ZSWIM1: variants seen among roughly 807,000 people sequenced by gnomAD.
ZSWIM1 encodes the protein zinc finger SWIM domain-containing protein 1.
Under a neutral mutation model 29.3 loss-of-function variants are expected in ZSWIM1, and 22 were observed. That is an observed-to-expected ratio of 0.75 (90% CI 0.54 to 1.07). The LOEUF is 1.07. Ranked by LOEUF, ZSWIM1 falls within the 50% of genes least tolerant of loss-of-function variation. The pLI is 0.00. For missense variants in ZSWIM1, 511 were observed against 596.2 expected (o/e 0.86, Z 1.49); for synonymous variants, 228 against 240.8 (o/e 0.95, Z 0.49).
chr20:45,882,558 G>A lies in ZSWIM1; in HGVS notation c.-35G>A. The A allele has an allele frequency of 6.3e-7, 1 of 1,583,498 alleles. No homozygotes were observed. ...GCCCATCTTTGGAAAAAAGATCTGG[G>A]AATGATTGTCTAGCCTCCAGCCTCA... is the stretch of plus-strand genomic sequence containing the variant. On this transcript the variant is annotated 5_prime_UTR_variant, in exon 2 of 2. Coordinates refer to ENST00000372523, the MANE Select transcript of ZSWIM1 (RefSeq NM_080603.5).
intron 1 of ZSWIM1, 49 bp downstream of exon 1, chr20:45,881,310 G>C (rs1422258089): frequency 6.6e-6 from 1 of 152,372 alleles, no homozygotes; most frequent in African/African-American, 2.4e-5. Flanking sequence ...GATCACCGCA[G>C]TTAGCCGTCA....
In ZSWIM1 at chr20:45,884,089, C is replaced by T. The variant is rs758676776; in HGVS notation, c.*39C>T. 6 of 1,566,576 alleles carry T rather than the reference C, an allele frequency of 3.8e-6. No homozygotes were observed. Among genetic ancestry groups the T allele is most frequent in the Admixed American group, 1.7e-5 (1 of 57,542 alleles). On this transcript the variant is annotated 3_prime_UTR_variant, in exon 2 of 2. Coordinates refer to ENST00000372523, the MANE Select transcript of ZSWIM1 (RefSeq NM_080603.5). The stretch of plus-strand genomic sequence containing the variant: ...CCAGAGATGCTCATGCACCTGTGCA[C>T]ACTCACATCCACCCATACACACACA...
Position 45,881,420 on chromosome 20 carries a change from T to A in ZSWIM1, c.-61+159T>A, listed in dbSNP as rs145061012. Among the ~76,000 whole-genome samples the A allele has an allele frequency of 3.4e-3, 510 of 152,204 alleles. 4 individuals are homozygous for A. The highest frequency in any genetic ancestry group is 6.4e-3 in the Non-Finnish European group (437 of 68,006). On this transcript the variant is annotated intron_variant, in intron 1 of 1. Coordinates refer to ENST00000372523, the MANE Select transcript of ZSWIM1 (RefSeq NM_080603.5). ...CCACATCTCCCACCCAGGTTAGAGG[T>A]GAGAGGTCAAAGGCCGTATTCCCTC... is the stretch of plus-strand genomic sequence containing the variant.
Position 45,883,980 on chromosome 20 carries a change from A to C in ZSWIM1, c.1388A>C (p.Glu463Ala). Residue 463 changes from glutamate to alanine, a missense_variant, in exon 2 of 2, where the codon GAG (glutamate) becomes GCG (alanine). Transcript: ENST00000372523. ...CAGCACTGCACCAAGGAGGAGTTTG[A>C]GCGGAGGTATAGCACCCTGCGGGAA... ...LLQHCTKEEF[E>A]RRYSTLRELA... 3 of 1,614,126 alleles carry C rather than the reference A, an allele frequency of 1.9e-6. No individual in the cohort carries two copies. Among genetic ancestry groups the C allele is most frequent in the South Asian group, 1.1e-5 (1 of 91,080 alleles).
chr20:45,882,475 T>A lies in ZSWIM1; in HGVS notation c.-60-58T>A, dbSNP rs188734110. The A allele has an allele frequency of 1.8e-4, 216 of 1,224,192 alleles. No homozygotes were observed. In the African/African-American group the frequency reaches 2.4e-3, roughly 14 times the overall value. 75.8% of individuals were successfully genotyped at this position (1,224,192 alleles called of 1,614,324 possible). On this transcript the variant is annotated intron_variant, in intron 1 of 1. Coordinates refer to ENST00000372523, the MANE Select transcript of ZSWIM1 (RefSeq NM_080603.5). Reference sequence around the variant, plus strand: ...AAGTGTTCAACAAATATTGTGTGGATGAATAATTGAAGAGCCAGGTCCCTG... The same window carrying A: ...AAGTGTTCAACAAATATTGTGTGGAAGAATAATTGAAGAGCCAGGTCCCTG...
Position 45,883,297 on chromosome 20 carries a change from C to T in ZSWIM1, c.705C>T (p.Leu235=), listed in dbSNP as rs1253069819. The part of the protein sequence containing the change: ...KLPELHSHWL[L]NDRIWLAHRW... ...CCGAGCTTCACTCACACTGGCTGCTCAACGACCGCATCTGGCTGGCTCACC... is the reference window on the plus strand; with the variant it reads ...CCGAGCTTCACTCACACTGGCTGCTTAACGACCGCATCTGGCTGGCTCACC... The change falls in exon 2 of 2, where the codon CTC becomes CTT. Residue 235 remains leucine, a synonymous_variant. Transcript: ENST00000372523. 1.9e-6 allele frequency: 3 copies of T among 1,614,056 alleles called. No individual in the cohort carries two copies. The highest frequency in any genetic ancestry group is 2.5e-6 in the Non-Finnish European group (3 of 1,180,040).
rs1239017136 is a variant in ZSWIM1, at chr20:45,884,123, C to T, written c.*73C>T. ...CCACCCATACACACACACACACACA[C>T]ACACACACACACACACACACTCCCT... On this transcript the variant is annotated 3_prime_UTR_variant, in exon 2 of 2. Transcript: ENST00000372523. 2 of 1,447,576 alleles carry T rather than the reference C, an allele frequency of 1.4e-6. No individual in the cohort carries two copies. Among genetic ancestry groups the T allele is most frequent in the Admixed American group, 2.1e-5 (1 of 47,062 alleles). 89.7% of individuals were successfully genotyped at this position (1,447,576 alleles called of 1,614,324 possible). A position where few individuals can be genotyped will look rare whatever the true frequency, so the allele number is the denominator to read the frequency against.
Position 45,883,596 on chromosome 20 carries a change from C to T in ZSWIM1, c.1004C>T (p.Thr335Ile). Residue 335 changes from threonine to isoleucine, a missense_variant, in exon 2 of 2, where the codon ACA (threonine) becomes ATA (isoleucine). By Grantham distance (89) the Thr-to-Ile change is moderately conservative (BLOSUM62 -1). Coordinates refer to ENST00000372523, the MANE Select transcript of ZSWIM1 (RefSeq NM_080603.5). ...HIQHSLNAIC[T>I]GPAAQLCLGE... ...CAGCACTCCCTCAATGCCATCTGCA[C>T]AGGGCCAGCAGCCCAACTGTGCCTG... The T allele has an allele frequency of 6.2e-7, 1 of 1,614,224 alleles. No individual in the cohort carries two copies. The highest frequency in any genetic ancestry group is 8.5e-7 in the Non-Finnish European group (1 of 1,180,044).
rs115926000 is a variant in ZSWIM1, at chr20:45,883,374, C to G, written c.782C>G (p.Thr261Ser). The change falls in exon 2 of 2, where the codon ACC becomes AGC. Residue 261 changes from threonine (T) to serine (S), a missense_variant. Thr to Ser is a moderately conservative substitution (Grantham distance 58). Transcript: ENST00000372523. Reference sequence around the variant, plus strand: ...CACTACTTCCAGAGCCTCGAGGTCACCACCCACATCCTCAGCCAGTTCTTT... The same window carrying G: ...CACTACTTCCAGAGCCTCGAGGTCAGCACCCACATCCTCAGCCAGTTCTTT... ...SSHYFQSLEV[T>S]THILSQFFGT... 5.2e-4 allele frequency: 833 copies of G among 1,614,232 alleles called. 3 individuals carry two copies. The African/African-American group carries it at 5.6e-3, about 11-fold the overall frequency.
chr20:45,882,544 G>GA lies in ZSWIM1; in HGVS notation c.-43dup, dbSNP rs748977044. 7 of 1,567,228 alleles carry GA rather than the reference G, an allele frequency of 4.5e-6. No individual in the cohort carries two copies. In the Admixed American group the frequency reaches 7.4e-5, roughly 17 times the overall value. On this transcript the variant is annotated 5_prime_UTR_variant, in exon 2 of 2. An upstream open reading frame in the 5' UTR loses its in-frame stop. Transcript: ENST00000372523. Reference sequence around the variant, plus strand: ...GTTACTCTCCATAGGCCCATCTTTGGAAAAAAGATCTGGGAATGATTGTCT... The same window carrying GA: ...GTTACTCTCCATAGGCCCATCTTTGGAAAAAAAGATCTGGGAATGATTGTCT...
rs71181872 is a variant in ZSWIM1, at chr20:45,884,105, TACACACAC to T, written c.*86_*93del. 3.0e-3 allele frequency: 3,268 copies of T among 1,088,712 alleles called. 2 individuals are homozygous for T. Among genetic ancestry groups the T allele is most frequent in the Non-Finnish European group, 3.3e-3 (2,521 of 768,426 alleles). 67.4% of individuals were successfully genotyped at this position (1,088,712 alleles called of 1,614,324 possible). A position where few individuals can be genotyped will look rare whatever the true frequency, so the allele number is the denominator to read the frequency against. On this transcript the variant is annotated 3_prime_UTR_variant, in exon 2 of 2. Transcript: ENST00000372523. ...ACCTGTGCACACTCACATCCACCCA[TACACACAC>T]ACACACACACACACACACACACACA...
At position 45,884,323 on chromosome 20, in the gene ZSWIM1, TGTATATTC is replaced by T. The variant is rs1986408752; in HGVS notation, c.*274_*281del. On this transcript the variant is annotated 3_prime_UTR_variant, in exon 2 of 2. Transcript: ENST00000372523. Reference sequence around the variant, plus strand: ...TCAGGTGGCCACATACAGTCTCTGTTGTATATTCTTGGTTTTGTTTTAATATTTTTTTT... The same window carrying T: ...TCAGGTGGCCACATACAGTCTCTGTTTTGGTTTTGTTTTAATATTTTTTTT... 1 of 384,852 alleles carries T rather than the reference TGTATATTC, an allele frequency of 2.6e-6. No individual in the cohort carries two copies. The highest frequency in any genetic ancestry group is 4.8e-6 in the Non-Finnish European group (1 of 209,326). The allele number at this position is 384,852 out of a possible 1,614,324, so 23.8% of individuals were successfully genotyped here.
Position 45,884,230 on chromosome 20 carries a change from G to T in ZSWIM1, c.*180G>T. On this transcript the variant is annotated 3_prime_UTR_variant, in exon 2 of 2. Coordinates refer to ENST00000372523, the MANE Select transcript of ZSWIM1 (RefSeq NM_080603.5). ...TTGAAGGGTCTTCTCATCTACCATG[G>T]CCTGCTACCTAGCATGTGTCTAGCT... is the stretch of plus-strand genomic sequence containing the variant. 1 of 764,738 alleles carries T rather than the reference G, an allele frequency of 1.3e-6. No homozygotes were observed. The highest frequency in any genetic ancestry group is 2.7e-5 in the East Asian group (1 of 36,416). 47.4% of individuals were successfully genotyped at this position (764,738 alleles called of 1,614,324 possible). A position where few individuals can be genotyped will look rare whatever the true frequency, so the allele number is the denominator to read the frequency against.
At chr20:45,881,609 T>C (rs866364647) in intron 1 of ZSWIM1, among the ~76,000 whole-genome samples, 1 of 152,034 alleles carries the variant, frequency 6.6e-6, no homozygotes, top group Non-Finnish European at 1.5e-5. Flanking sequence ...TGGGGCCAAA[T>C]AGAGGAAACA....
At position 45,884,204 on chromosome 20, in the gene ZSWIM1, G is replaced by T. The variant is rs1986406367; in HGVS notation, c.*154G>T. On this transcript the variant is annotated 3_prime_UTR_variant, in exon 2 of 2. Coordinates refer to ENST00000372523, the MANE Select transcript of ZSWIM1 (RefSeq NM_080603.5). ...CCAGAACAAGGACAACAAGGACAAG[G>T]TTGAAGGGTCTTCTCATCTACCATG... The T allele has an allele frequency of 2.8e-6, 3 of 1,058,866 alleles. No homozygotes were observed. In the Admixed American group the frequency reaches 8.4e-5, roughly 30 times the overall value. 65.6% of individuals were successfully genotyped at this position (1,058,866 alleles called of 1,614,324 possible).
Position 45,882,603 on chromosome 20 carries a change from G to T in ZSWIM1, c.11G>T (p.Arg4Ile). Residue 4 changes from arginine to isoleucine, a missense_variant, in exon 2 of 2, where the codon AGA (arginine) becomes ATA (isoleucine). Arg to Ile is a moderately conservative substitution (Grantham distance 97, BLOSUM62 -3). Coordinates refer to ENST00000372523, the MANE Select transcript of ZSWIM1 (RefSeq NM_080603.5). The part of the protein sequence containing the change: MLE[R>I]LKAPWSAALQ... ...GCCTCAACTTACTTGATGCTTGAGA[G>T]ACTCAAAGCCCCGTGGTCAGCTGCC... The T allele has an allele frequency of 3.7e-6, 6 of 1,612,610 alleles. No homozygotes were observed. The highest frequency in any genetic ancestry group is 5.1e-6 in the Non-Finnish European group (6 of 1,179,204).
In ZSWIM1 at chr20:45,883,413, C is replaced by G. The variant is rs1397001948; in HGVS notation, c.821C>G (p.Ser274Cys). The G allele has an allele frequency of 6.2e-7, 1 of 1,614,128 alleles. No individual in the cohort carries two copies. Among genetic ancestry groups the G allele is most frequent in the East Asian group, 2.2e-5 (1 of 44,902 alleles). The change falls in exon 2 of 2, where the codon TCT (serine) becomes TGT (cysteine). Residue 274 changes from serine (S) to cysteine (C), a missense_variant. Physicochemically the swap from Ser to Cys is moderately radical, Grantham distance 112 (BLOSUM62 -1). Coordinates refer to ENST00000372523, the MANE Select transcript of ZSWIM1 (RefSeq NM_080603.5). ...AGCCAGTTCTTTGGTACCACCCCAT[C>G]TGAGAAACAAGGTATGGCTTCTCTG... ...ILSQFFGTTP[S>C]EKQGMASLFR...
At position 45,882,901 on chromosome 20, in the gene ZSWIM1, G is replaced by A. The variant is rs757858380; in HGVS notation, c.309G>A (p.Gln103=). 6.2e-7 allele frequency: 1 copy of A among 1,614,236 alleles called. No homozygotes were observed. Among genetic ancestry groups the A allele is most frequent in the South Asian group, 1.1e-5 (1 of 91,088 alleles). Residue 103 remains glutamine (Q), a synonymous_variant, in exon 2 of 2, where the codon CAG becomes CAA. Transcript: ENST00000372523. ...YTFLVDGPRV[Q]LEGHLARAVY... is the part of the protein sequence containing the mutation. The stretch of plus-strand genomic sequence containing the variant: ...TCCTGGTGGATGGACCTCGGGTGCA[G>A]CTGGAGGGTCATCTTGCCCGAGCAG...
rs1986386367 is a variant in ZSWIM1 at position 45,883,927 on chromosome 20, C to T, written c.1335C>T (p.His445=). The T allele has an allele frequency of 1.9e-6, 3 of 1,614,042 alleles. No homozygotes were observed. The highest frequency in any genetic ancestry group is 2.2e-5 in the South Asian group (2 of 91,092). ...ETLDKHLAVT[H]LTEEVGQLLQ... is the part of the protein sequence containing the mutation. ...TGGATAAGCACCTGGCAGTGACTCA[C>T]CTCACCGAGGAGGTGGGTCAGCTGT... Residue 445 remains histidine (H), a synonymous_variant, in exon 2 of 2, where the codon CAC becomes CAT. Coordinates refer to ENST00000372523, the MANE Select transcript of ZSWIM1 (RefSeq NM_080603.5).
Sources: allele counts gnomAD v4.1 joint callset (sites outside exome capture counted in the v4.1 genomes callset), GRCh38; gene constraint gnomAD v4.1.1; transcripts MANE v1.5; gene names NCBI Gene and HGNC (gene_info 2026-07-23, HGNC 2026-07-21).